Variants in MEIS2 observed in about 807,000 individuals in gnomAD.
MEIS2 encodes the protein Meis homeobox 2.
A neutral mutation model predicts 58.6 loss-of-function variants in MEIS2; 9 were observed. The observed-to-expected ratio is 0.15, with a 90% CI of 0.09 to 0.27. The LOEUF (loss-of-function observed/expected upper bound fraction) is 0.27, where lower values mean the gene tolerates loss of function less well. Among genes scored for constraint, MEIS2 ranks in the 10% least tolerant of loss-of-function variants. MEIS2 has a pLI of 1.00. For missense variants in MEIS2, 427 were observed against 635.0 expected (o/e 0.67, Z 3.52); for synonymous variants, 221 against 228.4 (o/e 0.97, Z 0.29).
chr15:36,970,272 CG>C (rs1053774553), intron 8 of MEIS2, among the ~76,000 whole-genome samples: 1 of 151,832 alleles, frequency 6.6e-6, no homozygotes, highest in Non-Finnish European at 1.5e-5. Flanking sequence ...GGCGTGGTGG[CG>C]GGCGCCTGTA....
At chr15:37,080,933 A>G (rs1336460135) in intron 7 of MEIS2, among the ~76,000 whole-genome samples, 1 of 152,174 alleles carries the variant, frequency 6.6e-6, no homozygotes, top group African/African-American at 2.4e-5. Context: ...TTCATTGCTG[A>G]AACACTATGG....
At chr15:36,895,066 C>T in intron 11 of MEIS2, 85 bp downstream of exon 11, 2 of 1,161,514 alleles carry the variant, frequency 1.7e-6, no homozygotes, top group Non-Finnish European at 1.3e-6. Flanking sequence ...CCCACCATGA[C>T]AGTGGGATAG....
intron 9 of MEIS2, among the ~76,000 whole-genome samples, chr15:36,902,753 T>C (rs2056542488): frequency 6.6e-6 from 1 of 152,188 alleles, no homozygotes. Flanking sequence ...TCTCTTTAGG[T>C]ATCTTAGATC....
rs1838868696 is a variant in MEIS2 at position 37,093,179 on chromosome 15, G to T, written c.639+402C>A. On this transcript the variant is annotated intron_variant, in intron 6 of 11. Transcript: ENST00000561208. Reference sequence around the variant, plus strand: ...CACTCACTCAATTCTCTTTCATTCAGTCCTCTCTCTCCAGACCAGTCCAGC... The same window carrying T: ...CACTCACTCAATTCTCTTTCATTCATTCCTCTCTCTCCAGACCAGTCCAGC... Among the ~76,000 whole-genome samples, 4 of 152,138 alleles carry T rather than the reference G, an allele frequency of 2.6e-5. No individual in the cohort carries two copies. In the South Asian group the frequency reaches 8.3e-4, roughly 32 times the overall value.
chr15:37,055,858 C>A (rs2141824632), intron 7 of MEIS2, among the ~76,000 whole-genome samples: 1 of 152,322 alleles, frequency 6.6e-6, no homozygotes, highest in Non-Finnish European at 1.5e-5. Flanking sequence ...CTGCGGAAGT[C>A]TTAAAAACAC....
Position 37,020,565 on chromosome 15 carries a change from T to A in MEIS2, c.900+16249A>T, listed in dbSNP as rs895421039. Among the ~76,000 whole-genome samples, 6 of 152,172 alleles carry A rather than the reference T, an allele frequency of 3.9e-5. No individual in the cohort carries two copies. In the South Asian group the frequency reaches 1.2e-3, roughly 32 times the overall value. On this transcript the variant is annotated intron_variant, in intron 8 of 11. Coordinates refer to ENST00000561208, the MANE Select transcript of MEIS2 (RefSeq NM_170675.5). ...TTTGAGGAAACATTTGAGGGATCTT[T>A]ATCTCAGGTTCTCTACTCCAAGATA...
Position 36,908,765 on chromosome 15 carries a change from T to G in MEIS2, c.978-12079A>C, listed in dbSNP as rs1331109433. ...GCCTGACCAACGTGGAGAAACCCCG[T>G]CTCTACTAAAAATACAAAAAAGTAT... On this transcript the variant is annotated intron_variant, in intron 9 of 11. Coordinates refer to ENST00000561208, the MANE Select transcript of MEIS2 (RefSeq NM_170675.5). 3.3e-5 allele frequency among the ~76,000 whole-genome samples: 5 copies of G among 151,604 alleles called. No homozygotes were observed. In the East Asian group the frequency reaches 7.8e-4, roughly 24 times the overall value.
At chr15:36,948,894 T>A (rs2058664551) in intron 9 of MEIS2, among the ~76,000 whole-genome samples, 1 of 152,006 alleles carries the variant, frequency 6.6e-6, no homozygotes, top group Non-Finnish European at 1.5e-5. Context: ...TCTTTAAATG[T>A]ACACAGTTCC....
intron 8 of MEIS2, among the ~76,000 whole-genome samples, chr15:37,034,210 G>C (rs923462991): frequency 4.6e-5 from 7 of 152,140 alleles, no homozygotes; most frequent in African/African-American, 7.2e-5. Context: ...CAAAACCTAG[G>C]AGCATGGGAA....
chr15:37,039,021 A>G (rs902311767), intron 7 of MEIS2, among the ~76,000 whole-genome samples: 2 of 152,216 alleles, frequency 1.3e-5, no homozygotes, highest in African/African-American at 4.8e-5. Flanking sequence ...TCAGCTGTTC[A>G]TGTGACACAG....
intron 9 of MEIS2, among the ~76,000 whole-genome samples, chr15:36,912,200 C>T (rs1179996880): frequency 6.6e-6 from 1 of 152,124 alleles, no homozygotes; most frequent in African/African-American, 2.4e-5. Flanking sequence ...GGACAACAGT[C>T]CTGCAAAGAC....
chr15:37,100,566 C>CT (rs1431315049), upstream of MEIS2: 1 of 2,794 alleles, frequency 3.6e-4, no homozygotes, highest in Non-Finnish European at 7.8e-4. Flanking sequence ...ACAGCCCCGG[C>CT]TGGGGGGGTG....
intron 7 of MEIS2, among the ~76,000 whole-genome samples, chr15:37,081,406 T>A (rs559844019): frequency 6.6e-6 from 1 of 152,328 alleles, no homozygotes; most frequent in Admixed American, 6.5e-5. Context: ...AGTCAATATC[T>A]CTGTTGACTT....
chr15:37,064,499 T>C (rs1889665261), intron 7 of MEIS2, among the ~76,000 whole-genome samples: 1 of 152,138 alleles, frequency 6.6e-6, no homozygotes, highest in East Asian at 1.9e-4. Context: ...AATGATACAA[T>C]AAAACATATT....
At chr15:37,022,766 C>A (rs1399165457) in intron 8 of MEIS2, among the ~76,000 whole-genome samples, 1 of 152,182 alleles carries the variant, frequency 6.6e-6, no homozygotes, top group African/African-American at 2.4e-5. Flanking sequence ...AAGCAATTCT[C>A]CTGCCTCAGC....
Position 36,971,536 on chromosome 15 carries a change from T to TAAAAAAAAAAAAAA in MEIS2, c.901-21137_901-21136insTTTTTTTTTTTTTT, listed in dbSNP as rs1567126001. Among the ~76,000 whole-genome samples, 291 of 65,400 alleles carry TAAAAAAAAAAAAAA rather than the reference T, an allele frequency of 4.4e-3. 39 individuals carry two copies. The highest frequency in any genetic ancestry group is 5.0e-3 in the African/African-American group (55 of 11,070). The allele number at this position is 65,400 out of a possible 152,430, so 42.9% of individuals were successfully genotyped here. A position where few individuals can be genotyped will look rare whatever the true frequency, so the allele number is the denominator to read the frequency against. On this transcript the variant is annotated intron_variant, in intron 8 of 11. Coordinates refer to ENST00000561208, the MANE Select transcript of MEIS2 (RefSeq NM_170675.5). ...TGTATTACTTGTATGCCTTGTTACA[T>TAAAAAAAAAAAAAA]TAAAAAAAAAAAAAAAAAAAAAAAA... is the stretch of plus-strand genomic sequence containing the variant.
chr15:37,025,907 G>A (rs556568436), intron 8 of MEIS2, among the ~76,000 whole-genome samples: 12 of 152,144 alleles, frequency 7.9e-5, no homozygotes, highest in Non-Finnish European at 1.3e-4. Flanking sequence ...TCTAAGAGGG[G>A]TTTTTATCAA....
At chr15:36,893,870 G>A (rs971967628) in intron 11 of MEIS2, among the ~76,000 whole-genome samples, 42 of 152,130 alleles carry the variant, frequency 2.8e-4, no homozygotes, top group African/African-American at 9.9e-4. Context: ...ATCAAGGTAC[G>A]TGTTGTTATA....
chr15:36,959,203 A>G (rs2059097316), intron 8 of MEIS2, among the ~76,000 whole-genome samples: 1 of 152,162 alleles, frequency 6.6e-6, no homozygotes. Flanking sequence ...CACACACATG[A>G]TCTCAGAGAA....
Sources: allele counts gnomAD v4.1 joint callset (sites outside exome capture counted in the v4.1 genomes callset), GRCh38; gene constraint gnomAD v4.1.1; transcripts MANE v1.5; gene names NCBI Gene and HGNC (gene_info 2026-07-23, HGNC 2026-07-21).